The following PTPRG variants were observed in gnomAD, a reference collection of about 807,000 sequenced individuals.
PTPRG encodes the protein receptor-type tyrosine-protein phosphatase gamma.
PTPRG carries 102 observed loss-of-function variants against 165.3 expected under a neutral mutation model. That is an observed-to-expected ratio of 0.62 (90% CI 0.53 to 0.73). PTPRG has a LOEUF of 0.73. PTPRG is among the 30% of genes least tolerant of loss of function. The pLI, the probability that PTPRG is intolerant of heterozygous loss-of-function variation, is 0.00. For missense variants in PTPRG, 1,866 were observed against 1,861.4 expected, an observed-to-expected ratio of 1.00 and a Z score of -0.05; for synonymous variants, 675 against 669.5, an observed-to-expected ratio of 1.01 and a Z score of -0.13.
intron 1 of PTPRG, among the ~76,000 whole-genome samples, chr3:61,728,234 G>C (rs1037389564): frequency 6.6e-6 from 1 of 152,200 alleles, no homozygotes; most frequent in African/African-American, 2.4e-5. Context: ...GTGCGACCTT[G>C]AGCAAGTCTG....
intron 1 of PTPRG, among the ~76,000 whole-genome samples, chr3:61,647,660 C>T (rs1291436861): frequency 6.6e-6 from 1 of 152,022 alleles, no homozygotes; most frequent in Non-Finnish European, 1.5e-5. Context: ...GGCGTGGTGG[C>T]AGGCACCTGT....
intron 4 of PTPRG, among the ~76,000 whole-genome samples, chr3:62,074,769 G>T (rs1701329977): frequency 6.6e-6 from 1 of 152,066 alleles, no homozygotes; most frequent in Admixed American, 6.5e-5. Flanking sequence ...GAGGGCTCTG[G>T]GATCTAGAGC....
rs111672709 is a variant in PTPRG at position 61,682,452 on chromosome 3, C to T, written c.86-66426C>T. Among the ~76,000 whole-genome samples the T allele has an allele frequency of 2.6e-3, 398 of 152,212 alleles. 1 individual carries two copies. Among genetic ancestry groups the T allele is most frequent in the Non-Finnish European group, 3.9e-3 (265 of 68,020 alleles). ...CAGTAATGGGTATGGGTGATGGGGA[C>T]ATAGGCATTTGTTGTAAAGTTAAAC... On this transcript the variant is annotated intron_variant, in intron 1 of 29. Coordinates refer to ENST00000474889, the MANE Select transcript of PTPRG (RefSeq NM_002841.4).
At chr3:61,990,465 G>T (rs917470970) in intron 3 of PTPRG, among the ~76,000 whole-genome samples, 5 of 152,210 alleles carry the variant, frequency 3.3e-5, no homozygotes, top group African/African-American at 1.2e-4. Context: ...TGGGATTTGT[G>T]AATATGCAGC....
chr3:62,011,117 C>T (rs76148299), intron 4 of PTPRG, among the ~76,000 whole-genome samples: 2,191 of 152,270 alleles, frequency 0.014, 48 homozygotes, highest in African/African-American at 0.05. Context: ...GCGTGAATTC[C>T]TGGTGGCTCC....
chr3:61,562,328 T>C lies in PTPRG; in HGVS notation c.41T>C (p.Leu14Pro), dbSNP rs1381071275. ...GAACCGTGTTGGTGGATTTTGTTCCTGAAAATCACCAGTTCCGTGCTCCAT... is the reference window on the plus strand; with the variant it reads ...GAACCGTGTTGGTGGATTTTGTTCCCGAAAATCACCAGTTCCGTGCTCCAT... The part of the protein sequence containing the change: ...LLEPCWWILF[L>P]KITSSVLHYV... The change falls in exon 1 of 30, where the codon CTG becomes CCG. Residue 14 changes from leucine to proline, a missense_variant. Leu to Pro is a moderately conservative substitution (Grantham distance 98). Transcript: ENST00000474889. 2 of 1,613,606 alleles carry C rather than the reference T, an allele frequency of 1.2e-6. No homozygotes were observed. Among genetic ancestry groups the C allele is most frequent in the Non-Finnish European group, 1.7e-6 (2 of 1,179,710 alleles).
chr3:61,715,989 G>C (rs1345210816), intron 1 of PTPRG, among the ~76,000 whole-genome samples: 1 of 152,094 alleles, frequency 6.6e-6, no homozygotes, highest in African/African-American at 2.4e-5. Flanking sequence ...GACATAAGAG[G>C]AGCATAATGA....
At chr3:62,019,361 A>C (rs1474795097) in intron 4 of PTPRG, among the ~76,000 whole-genome samples, 2 of 152,070 alleles carry the variant, frequency 1.3e-5, no homozygotes, top group African/African-American at 4.8e-5. Flanking sequence ...ATCTCTACCA[A>C]AAATACAAAA....
intron 2 of PTPRG, among the ~76,000 whole-genome samples, chr3:61,814,710 T>A (rs756550666): frequency 1.3e-5 from 2 of 151,634 alleles, no homozygotes; most frequent in Non-Finnish European, 2.9e-5. Flanking sequence ...TTGTGTGCCA[T>A]GATAGGATAT....
At chr3:61,621,670 G>A (rs1223549315) in intron 1 of PTPRG, among the ~76,000 whole-genome samples, 2 of 152,076 alleles carry the variant, frequency 1.3e-5, no homozygotes, top group African/African-American at 4.8e-5. Context: ...ATCCTCTCAG[G>A]TCAGTTGGAG....
intron 1 of PTPRG, among the ~76,000 whole-genome samples, chr3:61,717,020 A>C (rs1440327296): frequency 6.6e-6 from 1 of 152,162 alleles, no homozygotes; most frequent in Non-Finnish European, 1.5e-5. Context: ...CTTCATAACC[A>C]ATTATGGTGA....
At chr3:61,682,159 A>AAAAAG (rs2107121955) in intron 1 of PTPRG, among the ~76,000 whole-genome samples, 1 of 151,674 alleles carries the variant, frequency 6.6e-6, no homozygotes, top group Admixed American at 6.6e-5. Flanking sequence ...CAAAAAAAAA[A>AAAAAG]AAAAAAAAGT....
intron 1 of PTPRG, among the ~76,000 whole-genome samples, chr3:61,724,951 C>T (rs941952620): frequency 1.3e-5 from 2 of 152,102 alleles, no homozygotes; most frequent in African/African-American, 2.4e-5. Flanking sequence ...CACCAAGGCT[C>T]TTTATAGCAC....
chr3:62,137,667 G>T (rs535033033), intron 6 of PTPRG, among the ~76,000 whole-genome samples: 1 of 152,002 alleles, frequency 6.6e-6, no homozygotes, highest in East Asian at 1.9e-4. Context: ...ATCTTTTTTT[G>T]GTGCAAGTTT....
intron 2 of PTPRG, among the ~76,000 whole-genome samples, chr3:61,900,047 A>T (rs2038459390): frequency 1.3e-5 from 2 of 152,208 alleles, no homozygotes; most frequent in Admixed American, 1.3e-4. Context: ...TAAAAAATGT[A>T]ATTTTCTAAC....
At chr3:61,840,774 G>T (rs67476880) in intron 2 of PTPRG, among the ~76,000 whole-genome samples, 38,874 of 117,444 alleles carry the variant, frequency 0.33, 6,215 homozygotes, top group East Asian at 0.56. Flanking sequence ...AGTTTTTTTT[G>T]TTTGTTTGTT....
chr3:61,841,590 C>T (rs1316362086), intron 2 of PTPRG, among the ~76,000 whole-genome samples: 1 of 152,162 alleles, frequency 6.6e-6, no homozygotes, highest in African/African-American at 2.4e-5. Context: ...CCACCACCCC[C>T]ACCTTACCCC....
At chr3:62,099,270 G>C (rs907514278) in intron 5 of PTPRG, among the ~76,000 whole-genome samples, 2 of 152,100 alleles carry the variant, frequency 1.3e-5, no homozygotes, top group Non-Finnish European at 2.9e-5. Context: ...CATTAATTCT[G>C]GTGTAAGCAA....
intron 4 of PTPRG, among the ~76,000 whole-genome samples, chr3:62,077,580 T>C (rs1237611817): frequency 1.3e-5 from 2 of 152,206 alleles, no homozygotes; most frequent in South Asian, 2.1e-4. Flanking sequence ...ACCTGGCTAT[T>C]AGAGGACTAG....
Sources: allele counts gnomAD v4.1 joint callset (sites outside exome capture counted in the v4.1 genomes callset), GRCh38; gene constraint gnomAD v4.1.1; transcripts MANE v1.5; gene names NCBI Gene and HGNC (gene_info 2026-07-23, HGNC 2026-07-21).